Variants in CNTNAP5 observed in about 807,000 individuals in gnomAD.
CNTNAP5 encodes contactin associated protein family member 5.
CNTNAP5 carries 72 observed loss-of-function variants against 150.2 expected under a neutral mutation model. The observed-to-expected ratio is 0.48, with a 90% CI of 0.40 to 0.58. The LOEUF is 0.58. CNTNAP5 is among the 20% of genes least tolerant of loss of function. The probability of loss-of-function intolerance (pLI) is 0.00; values close to 1 mark genes in which losing one functional copy is unlikely to be tolerated. For synonymous variants in CNTNAP5, 672 were observed against 619.8 expected (o/e 1.08, Z -1.25); for missense variants, 1,636 against 1,626.2 (o/e 1.01, Z -0.10).
intron 1 of CNTNAP5, among the ~76,000 whole-genome samples, chr2:124,134,733 C>G (rs542067107): frequency 6.6e-6 from 1 of 152,254 alleles, no homozygotes; most frequent in African/African-American, 2.4e-5. Flanking sequence ...TTTACATGTA[C>G]TTGGATTCCC....
At chr2:124,045,624 T>A (rs1681512054) in intron 1 of CNTNAP5, among the ~76,000 whole-genome samples, 1 of 152,170 alleles carries the variant, frequency 6.6e-6, no homozygotes, top group African/African-American at 2.4e-5. Context: ...CAACACAGAA[T>A]GATGTTATAG....
intron 13 of CNTNAP5, among the ~76,000 whole-genome samples, chr2:124,670,175 T>TCCTTCCTC (rs1441589633): frequency 0.048 from 6,495 of 136,120 alleles, 233 homozygotes; most frequent in African/African-American, 0.078. Context: ...CTTCCTTCCT[T>TCCTTCCTC]CCTCCCTCTC....
chr2:124,089,841 A>C (rs1161598086), intron 1 of CNTNAP5, among the ~76,000 whole-genome samples: 4 of 152,226 alleles, frequency 2.6e-5, no homozygotes, highest in African/African-American at 9.6e-5. Context: ...TCCTGGCCTC[A>C]CTATTATCCT....
At chr2:124,513,332 C>CT in intron 8 of CNTNAP5, among the ~76,000 whole-genome samples, 1 of 152,260 alleles carries the variant, frequency 6.6e-6, no homozygotes, top group Admixed American at 6.5e-5. Context: ...CCATAATTAC[C>CT]TTTTTAAAGA....
chr2:124,833,065 A>C (rs554954842), intron 19 of CNTNAP5, among the ~76,000 whole-genome samples: 55 of 150,416 alleles, frequency 3.7e-4, no homozygotes, highest in Admixed American at 1.2e-3. Flanking sequence ...GGACACCACC[A>C]CTCCCAGCTA....
chr2:124,723,519 G>A (rs1412534181), intron 13 of CNTNAP5, among the ~76,000 whole-genome samples: 2 of 152,064 alleles, frequency 1.3e-5, no homozygotes, highest in African/African-American at 2.4e-5. Context: ...TTAGGTATTT[G>A]TTACAGCTGC....
chr2:124,157,116 A>G (rs1462366661), intron 1 of CNTNAP5, among the ~76,000 whole-genome samples: 1 of 152,190 alleles, frequency 6.6e-6, no homozygotes, highest in African/African-American at 2.4e-5. Context: ...TAAAATGAAG[A>G]ACGTGGTTAA....
chr2:124,830,981 A>G (rs1682704057), intron 19 of CNTNAP5, among the ~76,000 whole-genome samples: 1 of 152,100 alleles, frequency 6.6e-6, no homozygotes, highest in Admixed American at 6.5e-5. Flanking sequence ...AGAATTAAAA[A>G]TCAAAACCTC....
intron 10 of CNTNAP5, among the ~76,000 whole-genome samples, chr2:124,552,716 T>A (rs1416557528): frequency 1.3e-5 from 2 of 152,174 alleles, no homozygotes; most frequent in African/African-American, 4.8e-5. Context: ...CAAACTAAAA[T>A]AAAATATCTC....
At chr2:124,386,584 C>G (rs144803374) in intron 3 of CNTNAP5, among the ~76,000 whole-genome samples, 1 of 152,210 alleles carries the variant, frequency 6.6e-6, no homozygotes, top group African/African-American at 2.4e-5. Flanking sequence ...TACAGCTGTA[C>G]AAAAGAAGTT....
intron 3 of CNTNAP5, among the ~76,000 whole-genome samples, chr2:124,257,756 G>A (rs1006566147): frequency 1.3e-5 from 2 of 150,932 alleles, no homozygotes; most frequent in African/African-American, 2.4e-5. Flanking sequence ...TGCTCCATGC[G>A]AGTTAGTCTT....
At chr2:124,421,544 T>A (rs1692103806) in intron 4 of CNTNAP5, among the ~76,000 whole-genome samples, 1 of 152,220 alleles carries the variant, frequency 6.6e-6, no homozygotes, top group South Asian at 2.1e-4. Context: ...AGTAGAAGCC[T>A]CTGTCAGTTC....
intron 3 of CNTNAP5, among the ~76,000 whole-genome samples, chr2:124,362,336 G>C (rs151230888): frequency 2.0e-3 from 298 of 152,182 alleles, no homozygotes; most frequent in African/African-American, 6.9e-3. Flanking sequence ...GCTCCTCCCA[G>C]AATCTCAACA....
At chr2:124,752,165 G>T (rs1343028302) in intron 14 of CNTNAP5, among the ~76,000 whole-genome samples, 1 of 152,092 alleles carries the variant, frequency 6.6e-6, no homozygotes, top group Non-Finnish European at 1.5e-5. Flanking sequence ...CTAAGCCAGG[G>T]TGCTTAGGGA....
At chr2:124,464,710 T>A (rs1010927759) in intron 6 of CNTNAP5, among the ~76,000 whole-genome samples, 1 of 152,174 alleles carries the variant, frequency 6.6e-6, no homozygotes, top group Non-Finnish European at 1.5e-5. Context: ...TTTTTAAAAA[T>A]CAGGAGATTT....
intron 3 of CNTNAP5, among the ~76,000 whole-genome samples, chr2:124,414,741 G>A (rs763769461): frequency 6.6e-6 from 1 of 151,946 alleles, no homozygotes; most frequent in Non-Finnish European, 1.5e-5. Flanking sequence ...GTGTGTGTGT[G>A]ATATTCAATC....
At chr2:124,824,601 C>T (rs1191549381) in intron 19 of CNTNAP5, among the ~76,000 whole-genome samples, 1 of 152,090 alleles carries the variant, frequency 6.6e-6, no homozygotes, top group Non-Finnish European at 1.5e-5. Context: ...TTGTCAATTA[C>T]TTAAGTAATA....
intron 3 of CNTNAP5, among the ~76,000 whole-genome samples, chr2:124,244,988 C>T (rs577922265): frequency 2.0e-4 from 30 of 152,238 alleles, no homozygotes; most frequent in African/African-American, 7.0e-4. Context: ...TAGTTGGTTG[C>T]AAAACTGTAG....
intron 4 of CNTNAP5, among the ~76,000 whole-genome samples, chr2:124,425,531 CT>C (rs1288861885): frequency 6.6e-6 from 1 of 152,140 alleles, no homozygotes; most frequent in Non-Finnish European, 1.5e-5. Flanking sequence ...ATAGTGAAAC[CT>C]TTTGCTAACC....
Sources: gnomAD v4.1 joint callset for allele counts (sites outside exome capture counted in the v4.1 genomes callset) on GRCh38, gnomAD v4.1.1 for gene constraint, MANE v1.5 for transcripts, NCBI Gene and HGNC (gene_info 2026-07-23, HGNC 2026-07-21) for gene names.